The following GLRA3 variants were observed in gnomAD, a reference collection of about 807,000 sequenced individuals.
GLRA3 encodes glycine receptor alpha 3.
In GLRA3, 44 loss-of-function variants were observed where a neutral mutation model predicts 60.4. The observed-to-expected ratio is 0.73, with a 90% confidence interval of 0.57 to 0.94. The LOEUF is 0.94. Among genes scored for constraint, GLRA3 ranks in the 40% least tolerant of loss-of-function variants. The pLI is 0.00. For missense variants in GLRA3, 508 were observed against 564.6 expected (o/e 0.90, Z 1.02); for synonymous variants, 223 against 192.9 (o/e 1.16, Z -1.29).
chr4:174,807,736 C>G (rs1740106251), intron 1 of GLRA3, among the ~76,000 whole-genome samples: 1 of 151,922 alleles, frequency 6.6e-6, no homozygotes, highest in Non-Finnish European at 1.5e-5. Context: ...AAAGATAAAG[C>G]CTTTGAAAAT....
intron 7 of GLRA3, 149 bp from the exon 8 acceptor site, chr4:174,659,346 C>T: frequency 1.5e-6 from 1 of 647,820 alleles, no homozygotes; most frequent in South Asian, 2.2e-5. Context: ...TTGAAGTTTC[C>T]TTAGTTATTT....
chr4:174,673,573 G>A (rs1733990379), intron 7 of GLRA3, among the ~76,000 whole-genome samples: 1 of 152,078 alleles, frequency 6.6e-6, no homozygotes, highest in South Asian at 2.1e-4. Context: ...ATAGCCCCGG[G>A]AGGGGAACAG....
chr4:174,769,711 T>C (rs949029416), intron 2 of GLRA3, among the ~76,000 whole-genome samples: 5 of 152,066 alleles, frequency 3.3e-5, no homozygotes, highest in African/African-American at 1.2e-4. Flanking sequence ...TTTCTTGGTT[T>C]ATTTCTTCAT....
At chr4:174,730,528 C>T (rs998011276) in intron 3 of GLRA3, among the ~76,000 whole-genome samples, 2 of 152,162 alleles carry the variant, frequency 1.3e-5, no homozygotes, top group Non-Finnish European at 2.9e-5. Context: ...ATTTAGAACT[C>T]TCTGTAGCTG....
chr4:174,817,061 C>A (rs983748616), intron 1 of GLRA3, among the ~76,000 whole-genome samples: 10 of 152,268 alleles, frequency 6.6e-5, no homozygotes, highest in African/African-American at 2.4e-4. Context: ...CTCCACAAGG[C>A]AGAATGCATC....
intron 1 of GLRA3, among the ~76,000 whole-genome samples, chr4:174,820,633 C>G (rs1287627602): frequency 6.6e-6 from 1 of 152,068 alleles, no homozygotes; most frequent in Non-Finnish European, 1.5e-5. Flanking sequence ...CAGGAATTAG[C>G]CAGGCAAAGA....
intron 1 of GLRA3, among the ~76,000 whole-genome samples, chr4:174,823,159 C>G (rs996574855): frequency 3.3e-5 from 5 of 152,082 alleles, no homozygotes; most frequent in African/African-American, 1.2e-4. Context: ...TCTGGAGTTA[C>G]TTGTCTCTTT....
chr4:174,642,534 A>G lies in GLRA3; in HGVS notation c.*1252T>C, dbSNP rs781061190. On this transcript the variant is annotated 3_prime_UTR_variant, in exon 10 of 10. Transcript: ENST00000274093. ...CTATCATACATTTGCACCCAATTAC[A>G]CTGCAAAAAACAAGTTACTAATGCT... The G allele has an allele frequency of 7.5e-5, 73 of 974,686 alleles. No homozygotes were observed. The highest frequency in any genetic ancestry group is 8.8e-5 in the Non-Finnish European group (72 of 820,308). 60.4% of individuals were successfully genotyped at this position (974,686 alleles called of 1,614,324 possible). A position where few individuals can be genotyped will look rare whatever the true frequency, so the allele number is the denominator to read the frequency against.
chr4:174,819,927 C>A (rs1190112770), intron 1 of GLRA3, among the ~76,000 whole-genome samples: 1 of 152,082 alleles, frequency 6.6e-6, no homozygotes, highest in Non-Finnish European at 1.5e-5. Flanking sequence ...GTGCAAATAT[C>A]TTTTTTAAAC....
At chr4:174,666,571 T>C (rs1733671650) in intron 7 of GLRA3, among the ~76,000 whole-genome samples, 1 of 151,912 alleles carries the variant, frequency 6.6e-6, no homozygotes, top group Non-Finnish European at 1.5e-5. Flanking sequence ...TTGCAAGGAC[T>C]AGTCTTTTTC....
rs372986388 is a variant in GLRA3 at position 174,828,776 on chromosome 4, C to T, written c.36G>A (p.Ser12=). 18 of 1,612,408 alleles carry T rather than the reference C, an allele frequency of 1.1e-5. No homozygotes were observed. Among genetic ancestry groups the T allele is most frequent in the Middle Eastern group, 1.6e-4 (1 of 6,084 alleles). ...AHVRHFRTLV[S]GFYFWEAALL... is the part of the protein sequence containing the mutation. The stretch of plus-strand genomic sequence containing the variant: ...GTGCTGCTTCCCAGAAGTAAAATCC[C>T]GAAACTAATGTCCGAAAGTGTCTCA... Residue 12 remains serine (S), a synonymous_variant, in exon 1 of 10, where the codon TCG becomes TCA. Transcript: ENST00000274093.
At chr4:174,819,420 G>T (rs1740644185) in intron 1 of GLRA3, among the ~76,000 whole-genome samples, 1 of 152,106 alleles carries the variant, frequency 6.6e-6, no homozygotes. Context: ...CATGAAGTTT[G>T]CCATATTCTC....
chr4:174,807,286 C>A (rs901274695), intron 1 of GLRA3, among the ~76,000 whole-genome samples: 13 of 151,932 alleles, frequency 8.6e-5, no homozygotes, highest in Admixed American at 3.3e-4. Flanking sequence ...TTAAATAAAA[C>A]ATTCAAAAAT....
At position 174,735,436 on chromosome 4, in the gene GLRA3, C is replaced by G. The variant is rs140298628; in HGVS notation, c.268-6738G>C. Among the ~76,000 whole-genome samples the G allele has an allele frequency of 6.1e-3, 928 of 152,320 alleles. 32 individuals are homozygous for G. Among genetic ancestry groups the G allele is most frequent in the Admixed American group, 0.055 (839 of 15,304 alleles). On this transcript the variant is annotated intron_variant, in intron 3 of 9. Coordinates refer to ENST00000274093, the MANE Select transcript of GLRA3 (RefSeq NM_006529.4). Reference sequence around the variant, plus strand: ...ATGACCTGAAATTTGCATCACAAATCCACTCATTCCAACAGAATATTGTCT... The same window carrying G: ...ATGACCTGAAATTTGCATCACAAATGCACTCATTCCAACAGAATATTGTCT...
chr4:174,762,719 T>C (rs573611527), intron 3 of GLRA3, among the ~76,000 whole-genome samples: 2 of 152,320 alleles, frequency 1.3e-5, no homozygotes, highest in African/African-American at 4.8e-5. Flanking sequence ...TTGTTTACTT[T>C]TAAATAATCT....
intron 5 of GLRA3, among the ~76,000 whole-genome samples, chr4:174,698,647 G>A (rs188616295): frequency 1.2e-4 from 19 of 152,262 alleles, no homozygotes; most frequent in Admixed American, 2.0e-4. Context: ...CATTTGAAGA[G>A]TATTATTATG....
intron 5 of GLRA3, among the ~76,000 whole-genome samples, chr4:174,697,047 C>T (rs1206817900): frequency 6.6e-6 from 1 of 151,938 alleles, no homozygotes; most frequent in Non-Finnish European, 1.5e-5. Context: ...ATCATAAAAT[C>T]TTTGGTGGTT....
intron 9 of GLRA3, among the ~76,000 whole-genome samples, chr4:174,656,073 T>C (rs183175740): frequency 8.5e-5 from 13 of 152,216 alleles, no homozygotes; most frequent in Admixed American, 5.9e-4. Flanking sequence ...TTCTGTTTAA[T>C]TATTGCATAC....
chr4:174,718,404 C>A (rs899865910), intron 4 of GLRA3, among the ~76,000 whole-genome samples: 5 of 152,134 alleles, frequency 3.3e-5, no homozygotes, highest in African/African-American at 1.2e-4. Context: ...TATGGCGTTT[C>A]TTCTTTTCCT....
Sources: gnomAD v4.1 joint callset for allele counts (sites outside exome capture counted in the v4.1 genomes callset) on GRCh38, gnomAD v4.1.1 for gene constraint, MANE v1.5 for transcripts, NCBI Gene and HGNC (gene_info 2026-07-23, HGNC 2026-07-21) for gene names.